The following CNTNAP4 variants were observed in gnomAD, a reference collection of about 807,000 sequenced individuals.
CNTNAP4 encodes contactin-associated protein-like 4.
Under a neutral mutation model 148.4 loss-of-function variants are expected in CNTNAP4, and 98 were observed. That is an observed-to-expected ratio of 0.66 (90% CI 0.56 to 0.78). The LOEUF (loss-of-function observed/expected upper bound fraction) is 0.78. CNTNAP4 is among the 30% of genes least tolerant of loss of function. The pLI is 0.00. For missense variants in CNTNAP4, 1,935 were observed against 1,565.6 expected (o/e 1.24, Z -3.98); for synonymous variants, 730 against 565.1 (o/e 1.29, Z -4.14).
At chr16:76,522,702 T>TCTC (rs1491006975) in intron 17 of CNTNAP4, among the ~76,000 whole-genome samples, 20 of 19,752 alleles carry the variant, frequency 1.0e-3, no homozygotes, top group South Asian at 5.4e-3. Flanking sequence ...TTTTCTTTTC[T>TCTC]TTTCTTTTCT....
intron 14 of CNTNAP4, among the ~76,000 whole-genome samples, chr16:76,495,690 C>G (rs1232711827): frequency 2.0e-5 from 3 of 152,060 alleles, no homozygotes; most frequent in African/African-American, 7.2e-5. Context: ...GGCATGTATA[C>G]TGCTCTTATT....
intron 3 of CNTNAP4, among the ~76,000 whole-genome samples, chr16:76,420,248 A>G (rs1020288310): frequency 3.0e-4 from 46 of 151,980 alleles, no homozygotes; most frequent in African/African-American, 1.1e-3. Flanking sequence ...TGTAGAATAT[A>G]TATTAGAATA....
At chr16:76,343,061 C>T (rs1964613347) in intron 2 of CNTNAP4, among the ~76,000 whole-genome samples, 1 of 151,558 alleles carries the variant, frequency 6.6e-6, no homozygotes, top group South Asian at 2.1e-4. Flanking sequence ...ATAGTATTGC[C>T]AGAAGCAATT....
At chr16:76,428,660 A>G (rs1175433397) in intron 4 of CNTNAP4, among the ~76,000 whole-genome samples, 5 of 152,036 alleles carry the variant, frequency 3.3e-5, no homozygotes, top group East Asian at 1.9e-4. Context: ...TTCAGTGTCC[A>G]TCTCTACCAT....
intron 2 of CNTNAP4, among the ~76,000 whole-genome samples, chr16:76,336,200 GA>G (rs924368772): frequency 1.5e-4 from 23 of 151,944 alleles, no homozygotes; most frequent in East Asian, 7.7e-4. Context: ...ATTGGGTTGG[GA>G]AAAAAAATGC....
intron 1 of CNTNAP4, among the ~76,000 whole-genome samples, chr16:76,287,957 C>G (rs1446398967): frequency 2.0e-5 from 3 of 152,112 alleles, no homozygotes; most frequent in Admixed American, 6.6e-5. Flanking sequence ...TGTCTTCCTA[C>G]TCAGTACTTG....
chr16:76,538,039 A>C (rs1458545943), intron 18 of CNTNAP4, 77 bp from the exon 19 acceptor site: 2 of 632,230 alleles, frequency 3.2e-6, no homozygotes, highest in African/African-American at 3.9e-5. Context: ...AAAGAAACTA[A>C]AATATAATTA....
chr16:76,548,779 C>T (rs997765980), intron 21 of CNTNAP4, among the ~76,000 whole-genome samples: 1 of 152,162 alleles, frequency 6.6e-6, no homozygotes, highest in Non-Finnish European at 1.5e-5. Context: ...TCTCCCTCCA[C>T]CTACCCTGTT....
intron 20 of CNTNAP4, among the ~76,000 whole-genome samples, chr16:76,540,172 TC>T (rs2084389085): frequency 6.6e-6 from 1 of 152,138 alleles, no homozygotes; most frequent in Admixed American, 6.6e-5. Flanking sequence ...CAGTAATAAA[TC>T]TATCAGAAAA....
intron 2 of CNTNAP4, among the ~76,000 whole-genome samples, chr16:76,355,110 C>G (rs976430470): frequency 2.6e-5 from 4 of 152,110 alleles, no homozygotes; most frequent in African/African-American, 9.7e-5. Context: ...GCTATAAAAT[C>G]TAGAAATGAA....
chr16:76,288,900 T>C (rs1338395210), intron 1 of CNTNAP4, among the ~76,000 whole-genome samples: 1 of 152,210 alleles, frequency 6.6e-6, no homozygotes, highest in Non-Finnish European at 1.5e-5. Flanking sequence ...ATCCCATTGA[T>C]TTTTGCTATC....
chr16:76,321,011 T>C (rs920495992), intron 2 of CNTNAP4, among the ~76,000 whole-genome samples: 1 of 152,240 alleles, frequency 6.6e-6, no homozygotes, highest in Non-Finnish European at 1.5e-5. Flanking sequence ...TCACATCTTC[T>C]GTAAGATAAG....
Position 76,522,225 on chromosome 16 carries a change from T to C in CNTNAP4, c.2723T>C (p.Val908Ala), listed in dbSNP as rs1192111083. The C allele has an allele frequency of 6.2e-7, 1 of 1,613,964 alleles. No individual in the cohort carries two copies. The highest frequency in any genetic ancestry group is 1.1e-5 in the South Asian group (1 of 91,082). ...CAGCCCGCCCCCGCTGATGGGCATG[T>C]CCTGTTACAGCTCAACAGTCAGCTC... ...KTQPAPADGH[V>A]LLQLNSQLFV... Residue 908 changes from valine to alanine, a missense_variant, in exon 17 of 24, where the codon GTC becomes GCC. Coordinates refer to ENST00000611870, the MANE Select transcript of CNTNAP4 (RefSeq NM_033401.5).
intron 3 of CNTNAP4, among the ~76,000 whole-genome samples, chr16:76,386,807 T>G (rs2016553445): frequency 6.6e-6 from 1 of 152,120 alleles, no homozygotes; most frequent in African/African-American, 2.4e-5. Flanking sequence ...CATAGTAAGA[T>G]TACCCTGGAT....
intron 3 of CNTNAP4, among the ~76,000 whole-genome samples, chr16:76,378,030 C>G (rs2015598042): frequency 6.6e-6 from 1 of 152,192 alleles, no homozygotes; most frequent in Non-Finnish European, 1.5e-5. Flanking sequence ...CTGCTGGAGT[C>G]TGGATTAGAA....
At position 76,331,390 on chromosome 16, in the gene CNTNAP4, G is replaced by C. The variant is rs192469709; in HGVS notation, c.196+14867G>C. The stretch of plus-strand genomic sequence containing the variant: ...TTTTTAGTAGAGGCAGGGTTTCACA[G>C]TGTTAGCCAGGATGGTCTCGATCTC... On this transcript the variant is annotated intron_variant, in intron 2 of 23. Transcript: ENST00000611870. Among the ~76,000 whole-genome samples the C allele has an allele frequency of 2.8e-4, 42 of 151,766 alleles. 2 individuals are homozygous for C. The East Asian group carries it at 7.6e-3, about 27-fold the overall frequency.
At chr16:76,464,086 C>T (rs954788674) in intron 9 of CNTNAP4, among the ~76,000 whole-genome samples, 4 of 152,058 alleles carry the variant, frequency 2.6e-5, no homozygotes, top group Non-Finnish European at 4.4e-5. Flanking sequence ...AGCAAGGAGC[C>T]GGATGATAGC....
intron 1 of CNTNAP4, among the ~76,000 whole-genome samples, chr16:76,314,315 C>T (rs748017662): frequency 5.9e-5 from 9 of 152,214 alleles, no homozygotes; most frequent in Admixed American, 2.0e-4. Flanking sequence ...AGAGCGAGTC[C>T]GCAGTGCAAA....
intron 17 of CNTNAP4, among the ~76,000 whole-genome samples, chr16:76,534,416 A>G (rs182001491): frequency 1.3e-5 from 2 of 152,322 alleles, no homozygotes; most frequent in African/African-American, 4.8e-5. Context: ...GTGATGAGAC[A>G]CCATCATTTA....
Sources: gnomAD v4.1 joint callset for allele counts (sites outside exome capture counted in the v4.1 genomes callset) on GRCh38, gnomAD v4.1.1 for gene constraint, MANE v1.5 for transcripts, NCBI Gene and HGNC (gene_info 2026-07-23, HGNC 2026-07-21) for gene names.